MMP26: variants seen among roughly 807,000 people sequenced by gnomAD.
The protein encoded by MMP26 is matrix metallopeptidase 26.
MMP26 carries 33 observed loss-of-function variants against 31.0 expected under a neutral mutation model. The ratio of observed to expected loss-of-function variants is 1.06; its 90% confidence interval spans 0.81 to 1.42. MMP26 has a LOEUF of 1.42. MMP26 is among the 40% of genes most tolerant of loss of function. MMP26 has a pLI of 0.00. For synonymous variants in MMP26, 122 were observed against 114.9 expected (o/e 1.06, Z -0.40); for missense variants, 347 against 316.1 (o/e 1.10, Z -0.74).
chr11:4,786,510 T>TTA (rs1848948462), intron 2 of MMP26, among the ~76,000 whole-genome samples: 1 of 146,724 alleles, frequency 6.8e-6, no homozygotes, highest in East Asian at 2.0e-4. Context: ...TTTTTTTTTT[T>TTA]TTTTTTTTTT....
intron 2 of MMP26, chr11:4,923,801 T>A: frequency 1.2e-6 from 2 of 1,613,832 alleles, no homozygotes; most frequent in Non-Finnish European, 1.7e-6. Context: ...GTGAAGACAA[T>A]AAGCATGAGC....
chr11:4,929,174 T>C (rs1851312336), intron 2 of MMP26, among the ~76,000 whole-genome samples: 1 of 152,170 alleles, frequency 6.6e-6, no homozygotes, highest in Non-Finnish European at 1.5e-5. Context: ...TTTATTTTTT[T>C]AATTATTATT....
At chr11:4,769,361 A>C in intron 2 of MMP26, 3 of 1,613,950 alleles carry the variant, frequency 1.9e-6, no homozygotes, top group Non-Finnish European at 2.5e-6. Flanking sequence ...TAATTGAATC[A>C]CATCTGGATG....
intron 1 of MMP26, chr11:4,736,772 C>G (rs1231646822): frequency 1.3e-5 from 2 of 152,354 alleles, no homozygotes; most frequent in African/African-American, 2.4e-5. Context: ...GACTCCATGA[C>G]AGTAAAAAGT....
intron 2 of MMP26, among the ~76,000 whole-genome samples, chr11:4,980,357 G>T (rs1436380075): frequency 1.3e-5 from 2 of 152,178 alleles, no homozygotes; most frequent in East Asian, 3.9e-4. Context: ...GTCCACAGTT[G>T]TGAGGGCAGA....
At chr11:4,792,295 T>C (rs1849038555) in intron 2 of MMP26, among the ~76,000 whole-genome samples, 2 of 152,166 alleles carry the variant, frequency 1.3e-5, no homozygotes, top group South Asian at 4.2e-4. Flanking sequence ...AATTATGGAA[T>C]TATTTCCTTC....
intron 1 of MMP26, chr11:4,709,954 G>A: frequency 2.2e-6 from 1 of 456,904 alleles, no homozygotes; most frequent in South Asian, 1.5e-5. Context: ...ATTGCCGTCT[G>A]TAACCCACTG....
intron 2 of MMP26, among the ~76,000 whole-genome samples, chr11:4,930,123 ATTAATT>A (rs1304807828): frequency 1.3e-5 from 2 of 152,124 alleles, no homozygotes; most frequent in Admixed American, 1.3e-4. Context: ...CAAAGATTAT[ATTAATT>A]TTAAAAATAA....
intron 3 of MMP26, 83 bp from the exon 4 acceptor site, chr11:4,989,565 T>A (rs1846961453): frequency 3.5e-6 from 4 of 1,148,816 alleles, no homozygotes; most frequent in Non-Finnish European, 5.0e-6. Context: ...TCTGAGACCC[T>A]CAAAGAAGGC....
intron 1 of MMP26, among the ~76,000 whole-genome samples, chr11:4,739,024 T>C (rs932861715): frequency 2.0e-5 from 3 of 152,224 alleles, no homozygotes; most frequent in African/African-American, 7.2e-5. Context: ...CTGTTGTCAC[T>C]ATAGCTGAGT....
intron 2 of MMP26, chr11:4,913,846 G>C (rs927518387): frequency 6.6e-6 from 1 of 151,974 alleles, no homozygotes; most frequent in African/African-American, 2.4e-5. Context: ...TACAGTTTTT[G>C]ACTGCCTAAT....
In MMP26 at chr11:4,935,410, T is replaced by A. The variant is rs1851423263; in HGVS notation, c.-144-52658T>A. Among the ~76,000 whole-genome samples, 4 of 152,110 alleles carry A rather than the reference T, an allele frequency of 2.6e-5. No individual in the cohort carries two copies. In the South Asian group the frequency reaches 8.3e-4, roughly 32 times the overall value. The stretch of plus-strand genomic sequence containing the variant: ...GTTGATGTATAAGAATGCTTGTGAT[T>A]TTTGCACATTGATTTTGTATCCTGA... On this transcript the variant is annotated intron_variant, in intron 2 of 7. Coordinates refer to ENST00000380390, the MANE Select transcript of MMP26 (RefSeq NM_021801.5).
intron 3 of MMP26, 83 bp downstream of exon 3, chr11:4,988,393 A>G: frequency 1.0e-6 from 1 of 965,280 alleles, no homozygotes; most frequent in Non-Finnish European, 1.7e-6. Context: ...GTGTGACTGC[A>G]TGGTATAATG....
At chr11:4,806,208 G>A (rs548885929) in intron 2 of MMP26, among the ~76,000 whole-genome samples, 2 of 152,034 alleles carry the variant, frequency 1.3e-5, no homozygotes, top group South Asian at 2.1e-4. Context: ...GTTGATTTGC[G>A]GTGGAGAGTT....
chr11:4,935,251 T>C (rs964562150), intron 2 of MMP26, among the ~76,000 whole-genome samples: 1 of 150,880 alleles, frequency 6.6e-6, no homozygotes, highest in African/African-American at 2.4e-5. Context: ...TTTTATTTCA[T>C]TGAGCAGTGG....
chr11:4,960,759 A>T (rs377754163), intron 2 of MMP26, among the ~76,000 whole-genome samples: 1 of 152,154 alleles, frequency 6.6e-6, no homozygotes, highest in Admixed American at 6.5e-5. Context: ...ATTTACATTT[A>T]AAAAGGGGAT....
At chr11:4,786,010 C>T (rs972164069) in intron 2 of MMP26, among the ~76,000 whole-genome samples, 3 of 152,084 alleles carry the variant, frequency 2.0e-5, no homozygotes, top group Non-Finnish European at 4.4e-5. Flanking sequence ...TTTATTTTTT[C>T]TCAAAGTTCT....
intron 1 of MMP26, chr11:4,722,646 G>C: frequency 1.5e-6 from 1 of 654,614 alleles, no homozygotes; most frequent in East Asian, 2.6e-5. Context: ...TGGGTCCCCT[G>C]TTCCCTGTGC....
intron 2 of MMP26, among the ~76,000 whole-genome samples, chr11:4,984,321 A>G (rs774961127): frequency 1.1e-4 from 17 of 152,312 alleles, no homozygotes; most frequent in South Asian, 4.1e-4. Context: ...TTCCTTAACT[A>G]TAAGATGAAT....
Sources: allele counts gnomAD v4.1 joint callset (sites outside exome capture counted in the v4.1 genomes callset), GRCh38; gene constraint gnomAD v4.1.1; transcripts MANE v1.5; gene names NCBI Gene and HGNC (gene_info 2026-07-23, HGNC 2026-07-21).